The following FANCD2OS variants were observed in gnomAD, a reference collection of about 807,000 sequenced individuals.
FANCD2OS encodes FANCD2 opposite strand.
In FANCD2OS, 11 loss-of-function variants were observed where a neutral mutation model predicts 13.2. The ratio of observed to expected loss-of-function variants is 0.83; its 90% CI spans 0.52 to 1.38. The LOEUF (loss-of-function observed/expected upper bound fraction) is 1.38. Among genes scored for constraint, FANCD2OS ranks in the 40% most tolerant of loss-of-function variants. The probability of loss-of-function intolerance (pLI) is 0.00; values close to 1 mark genes in which losing one functional copy is unlikely to be tolerated. For missense variants in FANCD2OS, 217 were observed against 213.9 expected (o/e 1.01, Z -0.09); for synonymous variants, 69 against 84.5 (o/e 0.82, Z 1.01).
chr3:10,091,681 T>C (rs1355517966), intron 2 of FANCD2OS, among the ~76,000 whole-genome samples: 1 of 150,638 alleles, frequency 6.6e-6, no homozygotes, highest in Non-Finnish European at 1.5e-5. Context: ...CACCTCTAAC[T>C]AGAGGGAAAG....
intron 1 of FANCD2OS, among the ~76,000 whole-genome samples, chr3:10,105,828 G>C (rs1207050923): frequency 9.8e-6 from 1 of 101,840 alleles, no homozygotes; most frequent in African/African-American, 3.4e-5. Flanking sequence ...ATATTTTGAG[G>C]TTCGCGATGT....
intron 2 of FANCD2OS, chr3:10,096,234 G>C: frequency 7.4e-7 from 1 of 1,351,626 alleles, no homozygotes; most frequent in Non-Finnish European, 1.1e-6. Flanking sequence ...GGCAGGGCTT[G>C]TGTTCTTATT....
chr3:10,081,386 G>A (rs1693825503), exon 3 of FANCD2OS: 1 of 1,614,152 alleles, frequency 6.2e-7, no homozygotes, highest in Non-Finnish European at 8.5e-7. Flanking sequence ...GATGGACCAG[G>A]AGTGAAAGTT....
intron 1 of FANCD2OS, among the ~76,000 whole-genome samples, chr3:10,107,671 G>C (rs1695539997): frequency 6.6e-6 from 1 of 152,066 alleles, no homozygotes; most frequent in South Asian, 2.1e-4. Context: ...CCTAGGTCGC[G>C]GCGCGGTGGC....
downstream of FANCD2OS, chr3:10,101,902 A>G (rs191465938): frequency 7.1e-5 from 13 of 184,098 alleles, no homozygotes; most frequent in East Asian, 9.8e-4. Context: ...GCTTGTACCA[A>G]TTTTACAAAT....
chr3:10,084,219 C>G (rs1347865508), intron 2 of FANCD2OS, among the ~76,000 whole-genome samples: 2 of 150,912 alleles, frequency 1.3e-5, no homozygotes, highest in Admixed American at 1.3e-4. Context: ...GTCTTGAACT[C>G]CTGACCCCGT....
chr3:10,103,464 A>C (rs1010683307), downstream of FANCD2OS, among the ~76,000 whole-genome samples: 13 of 152,262 alleles, frequency 8.5e-5, no homozygotes, highest in East Asian at 2.3e-3. Flanking sequence ...AGTCCCAGCT[A>C]CTCAGGAGGC....
At chr3:10,097,423 C>T (rs911893865) in intron 2 of FANCD2OS, among the ~76,000 whole-genome samples, 2 of 152,186 alleles carry the variant, frequency 1.3e-5, no homozygotes, top group African/African-American at 2.4e-5. Context: ...CAGAGACCTA[C>T]CCCTAGGTGT....
rs1264974463 is a variant in FANCD2OS, at chr3:10,091,584, C to T, written c.*44-10053G>A. Among the ~76,000 whole-genome samples the T allele has an allele frequency of 5.9e-5, 9 of 152,066 alleles. No homozygotes were observed. The East Asian group carries it at 1.7e-3, about 29-fold the overall frequency. ...TTCTGGTTAGCAGGCTGCCAAGATC[C>T]ACAGTATCTCAAACAGGCTGGCTTA... On this transcript the variant is annotated intron_variant, in intron 2 of 2. Coordinates refer to the FANCD2OS transcript ENST00000524279.
At chr3:10,088,786 A>G (rs764399250) in intron 2 of FANCD2OS, 9 of 1,607,700 alleles carry the variant, frequency 5.6e-6, no homozygotes, top group South Asian at 2.2e-5. Context: ...GTTGTATTCT[A>G]CTTTGTTAAT....
downstream of FANCD2OS, among the ~76,000 whole-genome samples, chr3:10,098,506 A>G (rs1190403119): frequency 6.6e-6 from 1 of 152,210 alleles, no homozygotes; most frequent in East Asian, 1.9e-4. Context: ...ACCTTTCGTT[A>G]CATTACTTAT....
chr3:10,094,440 G>C (rs895832096), intron 2 of FANCD2OS: 2 of 1,240,806 alleles, frequency 1.6e-6, no homozygotes, highest in Non-Finnish European at 2.4e-6. Context: ...ACTCCTGGGT[G>C]GGGCTGGGAG....
intron 2 of FANCD2OS, among the ~76,000 whole-genome samples, chr3:10,087,869 G>C (rs6808853): frequency 4.0e-5 from 6 of 151,754 alleles, no homozygotes; most frequent in African/African-American, 4.8e-5. Context: ...GGCTGGTCTC[G>C]AACTCCTGAC....
Position 10,104,800 on chromosome 3 carries a change from GA to G in FANCD2OS, c.-8-19del, listed in dbSNP as rs775785394. On this transcript the variant is annotated intron_variant, in intron 1 of 1. Coordinates refer to ENST00000450660, the MANE Select transcript of FANCD2OS (RefSeq NM_001164839.2). ...TGACAGTCCTAAAGGAGGGAAATCA[GA>G]GCATGGAATTTCCCTGACATGCTTT... 1 of 1,528,634 alleles carries G rather than the reference GA, an allele frequency of 6.5e-7. No homozygotes were observed. Among genetic ancestry groups the G allele is most frequent in the Non-Finnish European group, 8.8e-7 (1 of 1,138,700 alleles). The allele number at this position is 1,528,634 out of a possible 1,614,324, so 94.7% of individuals were successfully genotyped here.
chr3:10,093,794 A>G (rs1322580046), intron 2 of FANCD2OS, among the ~76,000 whole-genome samples: 1 of 152,012 alleles, frequency 6.6e-6, no homozygotes, highest in African/African-American at 2.4e-5. Flanking sequence ...CTACTTCGCC[A>G]CTCCTCAAGT....
chr3:10,104,798 C>A lies in FANCD2OS; in HGVS notation c.-8-16G>T. On this transcript the variant is annotated splice_polypyrimidine_tract_variant and intron_variant, in intron 1 of 1. Transcript: ENST00000450660. The stretch of plus-strand genomic sequence containing the variant: ...ATTGACAGTCCTAAAGGAGGGAAAT[C>A]AGAGCATGGAATTTCCCTGACATGC... 1 of 1,531,782 alleles carries A rather than the reference C, an allele frequency of 6.5e-7. No individual in the cohort carries two copies. 94.9% of individuals were successfully genotyped at this position (1,531,782 alleles called of 1,614,324 possible). A position where few individuals can be genotyped will look rare whatever the true frequency, so the allele number is the denominator to read the frequency against.
At position 10,094,461 on chromosome 3, in the gene FANCD2OS, G is replaced by A. The variant is rs1025868718; in HGVS notation, c.*43+9737C>T. 1.1e-5 allele frequency: 11 copies of A among 997,062 alleles called. No individual in the cohort carries two copies. The African/African-American group carries it at 1.6e-4, about 14-fold the overall frequency. 61.8% of individuals were successfully genotyped at this position (997,062 alleles called of 1,614,324 possible). A position where few individuals can be genotyped will look rare whatever the true frequency, so the allele number is the denominator to read the frequency against. ...GGGTGGGGCTGGGAGTGTTCTACCTGGGCTCCTCTGGTCCACTTCAGCTGT... is the reference window on the plus strand; with the variant it reads ...GGGTGGGGCTGGGAGTGTTCTACCTAGGCTCCTCTGGTCCACTTCAGCTGT... On this transcript the variant is annotated intron_variant, in intron 2 of 2. Coordinates refer to the FANCD2OS transcript ENST00000524279.
chr3:10,082,432 C>G (rs895303759), intron 2 of FANCD2OS, among the ~76,000 whole-genome samples: 2 of 152,112 alleles, frequency 1.3e-5, no homozygotes, highest in Non-Finnish European at 2.9e-5. Flanking sequence ...CTAACATAAA[C>G]CCAGTTTGAT....
downstream of FANCD2OS, among the ~76,000 whole-genome samples, chr3:10,102,182 C>T (rs1294754798): frequency 2.1e-5 from 3 of 142,112 alleles, no homozygotes; most frequent in African/African-American, 5.3e-5. Context: ...CTCACTCTAT[C>T]GCTCAGGCTG....
Sources: allele counts gnomAD v4.1 joint callset (sites outside exome capture counted in the v4.1 genomes callset), GRCh38; gene constraint gnomAD v4.1.1; transcripts MANE v1.5; gene names NCBI Gene and HGNC (gene_info 2026-07-23, HGNC 2026-07-21).